Variants in RBPJ observed in about 807,000 individuals in gnomAD.
RBPJ encodes the protein recombining binding protein suppressor of hairless.
Under a neutral mutation model 67.8 loss-of-function variants are expected in RBPJ, and 9 were observed. The observed-to-expected ratio is 0.13, with a 90% CI of 0.08 to 0.23. RBPJ has a LOEUF of 0.23. RBPJ is among the 10% of genes least tolerant of loss of function. RBPJ has a pLI of 1.00. For synonymous variants in RBPJ, 198 were observed against 203.3 expected (o/e 0.97, Z 0.22); for missense variants, 305 against 595.6 (o/e 0.51, Z 5.08).
chr4:26,219,074 G>A (rs1718816229), intron 1 of RBPJ, among the ~76,000 whole-genome samples: 1 of 152,124 alleles, frequency 6.6e-6, no homozygotes, highest in South Asian at 2.1e-4. Context: ...TTCAAAAAGG[G>A]AAGCAATACC....
intron 2 of RBPJ, 83 bp from the exon 3 acceptor site, chr4:26,406,092 C>T: frequency 1.1e-5 from 9 of 791,722 alleles, no homozygotes; most frequent in East Asian, 5.1e-5. Flanking sequence ...ATAAGCATTC[C>T]TCTCATTACA....
At chr4:26,223,455 A>G (rs1718981323) in intron 1 of RBPJ, among the ~76,000 whole-genome samples, 1 of 152,232 alleles carries the variant, frequency 6.6e-6, no homozygotes, top group Admixed American at 6.5e-5. Flanking sequence ...TGCCTGAAGG[A>G]GGTTATGCCT....
chr4:26,235,091 C>A (rs1224825892), intron 1 of RBPJ, among the ~76,000 whole-genome samples: 2 of 152,146 alleles, frequency 1.3e-5, no homozygotes, highest in African/African-American at 2.4e-5. Context: ...AAATCCTTAG[C>A]AGGTGATAGA....
intron 2 of RBPJ, among the ~76,000 whole-genome samples, chr4:26,397,899 C>T (rs1264312046): frequency 1.3e-5 from 2 of 152,208 alleles, no homozygotes; most frequent in South Asian, 2.1e-4. Flanking sequence ...TCCCAAAGTG[C>T]TGGGATTACA....
At chr4:26,336,774 G>T (rs1724878906) in intron 1 of RBPJ, among the ~76,000 whole-genome samples, 2 of 151,508 alleles carry the variant, frequency 1.3e-5, no homozygotes, top group Non-Finnish European at 2.9e-5. Context: ...TTTTTCTCCT[G>T]ATAACAAAAA....
upstream of RBPJ, chr4:26,319,664 T>C: frequency 1.5e-6 from 1 of 646,800 alleles, no homozygotes; most frequent in Non-Finnish European, 2.8e-6. Flanking sequence ...AGCCGAGTAG[T>C]GGAAGGCGGT....
At chr4:26,316,710 T>TAC (rs200081189), upstream of RBPJ, among the ~76,000 whole-genome samples, 588 of 141,910 alleles carry the variant, frequency 4.1e-3, 6 homozygotes, top group African/African-American at 0.013. Flanking sequence ...TATATATATA[T>TAC]ACACACACAC....
At chr4:26,361,058 C>CGTGTGTGTGT (rs55870302) in intron 1 of RBPJ, among the ~76,000 whole-genome samples, 4 of 148,668 alleles carry the variant, frequency 2.7e-5, no homozygotes, top group African/African-American at 1.0e-4. Flanking sequence ...AGTGTGTGTG[C>CGTGTGTGTGT]GTGTGTGTGT....
chr4:26,274,617 G>A (rs549668066), intron 1 of RBPJ, among the ~76,000 whole-genome samples: 24 of 152,080 alleles, frequency 1.6e-4, no homozygotes, highest in African/African-American at 5.5e-4. Context: ...GTGATAGAGC[G>A]AGCGAGACCC....
At chr4:26,220,998 T>C (rs1403468310) in intron 1 of RBPJ, among the ~76,000 whole-genome samples, 1 of 152,264 alleles carries the variant, frequency 6.6e-6, no homozygotes, top group Non-Finnish European at 1.5e-5. Context: ...CTGATTCTTA[T>C]TTTTGTGTGT....
chr4:26,161,395 T>TGATTTAAG (rs1345651335), upstream of RBPJ, among the ~76,000 whole-genome samples: 91 of 152,318 alleles, frequency 6.0e-4, no homozygotes, highest in African/African-American at 2.2e-3. Context: ...ACTGACATAG[T>TGATTTAAG]GATTTAAGCA....
intron 1 of RBPJ, among the ~76,000 whole-genome samples, chr4:26,270,409 GAAAGAAAGAAAGAAAGAAAGAAAGAAA>G (rs1720861427): frequency 1.2e-4 from 7 of 57,498 alleles, no homozygotes; most frequent in South Asian, 6.1e-4. Context: ...AAGAAAGAAA[GAAAGAAAGAAAGAAAGAAAGAAAGAAA>G]GAAGAAAGAA....
intron 3 of RBPJ, among the ~76,000 whole-genome samples, chr4:26,409,764 C>T (rs966591075): frequency 3.9e-5 from 6 of 152,126 alleles, no homozygotes; most frequent in Admixed American, 2.6e-4. Context: ...TCCCAAAGTG[C>T]TGGGATTACG....
chr4:26,349,648 C>A (rs1176502587), intron 1 of RBPJ, among the ~76,000 whole-genome samples: 4 of 152,096 alleles, frequency 2.6e-5, no homozygotes. Flanking sequence ...GATTTGGGGA[C>A]CTTTTTGCAT....
intron 1 of RBPJ, among the ~76,000 whole-genome samples, chr4:26,367,371 G>A (rs1236013718): frequency 6.6e-6 from 1 of 152,084 alleles, no homozygotes; most frequent in Non-Finnish European, 1.5e-5. Context: ...TTGGGAGGCT[G>A]AGGCAGGAGA....
chr4:26,382,639 T>G (rs907857292), intron 1 of RBPJ, among the ~76,000 whole-genome samples: 3 of 152,170 alleles, frequency 2.0e-5, no homozygotes, highest in African/African-American at 7.2e-5. Flanking sequence ...ATTCCCAGGC[T>G]CAGGTGATCC....
At chr4:26,163,413 C>A (rs935916468), upstream of RBPJ, 1 of 150,272 alleles carries the variant, frequency 6.7e-6, no homozygotes. Context: ...CTTGTGTCTG[C>A]ATTTTTTCCC....
intron 1 of RBPJ, among the ~76,000 whole-genome samples, chr4:26,169,365 A>C (rs1401475744): frequency 6.6e-6 from 1 of 152,278 alleles, no homozygotes; most frequent in African/African-American, 2.4e-5. Flanking sequence ...GGGTATCAGC[A>C]GCGGTGTCTG....
intron 1 of RBPJ, among the ~76,000 whole-genome samples, chr4:26,186,492 T>C (rs761301648): frequency 1.3e-5 from 2 of 152,174 alleles, no homozygotes; most frequent in Non-Finnish European, 2.9e-5. Flanking sequence ...TGAAGGGCAA[T>C]GTTGCCTGCC....
Sources: gnomAD v4.1 joint callset for allele counts (sites outside exome capture counted in the v4.1 genomes callset) on GRCh38, gnomAD v4.1.1 for gene constraint, MANE v1.5 for transcripts, NCBI Gene and HGNC (gene_info 2026-07-23, HGNC 2026-07-21) for gene names.